Variants in KCNJ6 observed in about 807,000 individuals in gnomAD.
The protein encoded by KCNJ6 is potassium inwardly rectifying channel subfamily J member 6, also known as G protein-activated inward rectifier potassium channel 2.
In KCNJ6, 9 loss-of-function variants were observed where a neutral mutation model predicts 34.2. The observed-to-expected ratio is 0.26, with a 90% confidence interval of 0.16 to 0.46. The LOEUF is 0.46. Among genes scored for constraint, KCNJ6 ranks in the 20% least tolerant of loss-of-function variants. The pLI is 1.00. For synonymous variants in KCNJ6, 196 were observed against 207.1 expected, an observed-to-expected ratio of 0.95 and a Z score of 0.46; for missense variants, 236 against 531.3, an observed-to-expected ratio of 0.44 and a Z score of 5.46.
intron 3 of KCNJ6, among the ~76,000 whole-genome samples, chr21:37,649,572 C>A (rs76204948): frequency 1.3e-5 from 2 of 152,232 alleles, no homozygotes; most frequent in Admixed American, 1.3e-4. Context: ...GCGGCACCAC[C>A]GCGATGTAGC....
intron 2 of KCNJ6, among the ~76,000 whole-genome samples, chr21:37,726,616 G>A (rs1446688647): frequency 2.0e-5 from 3 of 152,208 alleles, no homozygotes; most frequent in Non-Finnish European, 4.4e-5. Context: ...GTATGTGTGT[G>A]TGTAAAGAAT....
intron 3 of KCNJ6, among the ~76,000 whole-genome samples, chr21:37,709,385 A>C (rs926349356): frequency 1.3e-5 from 2 of 152,114 alleles, no homozygotes; most frequent in Non-Finnish European, 2.9e-5. Context: ...GTGGTGGTGC[A>C]TGCCTGTAAT....
At chr21:37,833,414 T>G (rs1038020072) in intron 2 of KCNJ6, among the ~76,000 whole-genome samples, 2 of 152,146 alleles carry the variant, frequency 1.3e-5, no homozygotes, top group Non-Finnish European at 2.9e-5. Context: ...CCCTTCATCT[T>G]GGAAGTTAGG....
chr21:37,853,846 G>GTGTATATATATATATATA lies in KCNJ6; in HGVS notation c.-27-13138_-27-13137insTATATATATATATATACA, dbSNP rs71198897. Among the ~76,000 whole-genome samples the GTGTATATATATATATATA allele has an allele frequency of 7.2e-4, 84 of 115,950 alleles. 4 individuals are homozygous for GTGTATATATATATATATA. The highest frequency in any genetic ancestry group is 4.9e-3 in the South Asian group (19 of 3,880). 76.1% of individuals were successfully genotyped at this position (115,950 alleles called of 152,430 possible). A position where few individuals can be genotyped will look rare whatever the true frequency, so the allele number is the denominator to read the frequency against. On this transcript the variant is annotated intron_variant, in intron 1 of 3. Coordinates refer to ENST00000609713, the MANE Select transcript of KCNJ6 (RefSeq NM_002240.5). ...GTAGTTAAGAGATACATATATATAT[G>GTGTATATATATATATATA]TATATATATATATATAAATTACATT...
At chr21:37,663,837 A>G (rs1160840053) in intron 3 of KCNJ6, among the ~76,000 whole-genome samples, 1 of 152,234 alleles carries the variant, frequency 6.6e-6, no homozygotes, top group African/African-American at 2.4e-5. Flanking sequence ...GTAAGAATAT[A>G]CGCATACCTA....
intron 3 of KCNJ6, among the ~76,000 whole-genome samples, chr21:37,652,796 CT>C (rs1332771137): frequency 1.3e-5 from 2 of 152,184 alleles, no homozygotes; most frequent in Non-Finnish European, 2.9e-5. Flanking sequence ...GGCATTTTCT[CT>C]TTTGCAATGG....
At chr21:37,771,930 C>G (rs145745993) in intron 2 of KCNJ6, among the ~76,000 whole-genome samples, 18 of 152,222 alleles carry the variant, frequency 1.2e-4, no homozygotes, top group Non-Finnish European at 2.4e-4. Context: ...AAAAAACGAA[C>G]AGAATATGCA....
chr21:37,641,691 G>T (rs932382606), intron 3 of KCNJ6, among the ~76,000 whole-genome samples: 31 of 101,058 alleles, frequency 3.1e-4, no homozygotes, highest in African/African-American at 1.2e-3. Flanking sequence ...GAAAGTAGAC[G>T]AGTGTGTTTG....
chr21:37,634,761 A>ATT (rs66535658), intron 3 of KCNJ6, among the ~76,000 whole-genome samples: 1 of 143,114 alleles, frequency 7.0e-6, no homozygotes, highest in African/African-American at 2.6e-5. Context: ...CATACAAATC[A>ATT]TTTTTTTTTT....
chr21:37,840,207 C>A (rs935432567), intron 2 of KCNJ6, among the ~76,000 whole-genome samples: 6 of 152,186 alleles, frequency 3.9e-5, no homozygotes, highest in Admixed American at 6.5e-5. Flanking sequence ...TGCAAGCACT[C>A]CATTTTTTAA....
At chr21:37,808,496 G>A (rs2835975) in intron 2 of KCNJ6, among the ~76,000 whole-genome samples, 67,824 of 152,042 alleles carry the variant, frequency 0.45, 16,480 homozygotes, top group Middle Eastern at 0.53. Context: ...CACTTGATGA[G>A]GTTATGCCTG....
Position 37,885,277 on chromosome 21 carries a change from G to A in KCNJ6, c.-28+30607C>T, listed in dbSNP as rs74592268. Reference sequence around the variant, plus strand: ...GGAGCAGAGGAAAGGGTCTGACACAGCCACCTTTGTCAGTATTGCCCCAAA... The same window carrying A: ...GGAGCAGAGGAAAGGGTCTGACACAACCACCTTTGTCAGTATTGCCCCAAA... On this transcript the variant is annotated intron_variant, in intron 1 of 3. Transcript: ENST00000609713. Among the ~76,000 whole-genome samples the A allele has an allele frequency of 9.7e-4, 147 of 152,278 alleles. 3 individuals are homozygous for A. In the East Asian group the frequency reaches 0.022, roughly 23 times the overall value.
At chr21:37,736,775 A>G (rs1056360811) in intron 2 of KCNJ6, among the ~76,000 whole-genome samples, 1 of 152,198 alleles carries the variant, frequency 6.6e-6, no homozygotes, top group East Asian at 1.9e-4. Context: ...AGCGCTGACA[A>G]CCATGCTTGA....
At chr21:37,754,382 A>G (rs1392194178) in intron 2 of KCNJ6, among the ~76,000 whole-genome samples, 1 of 152,212 alleles carries the variant, frequency 6.6e-6, no homozygotes, top group African/African-American at 2.4e-5. Flanking sequence ...GGGTTTTTCT[A>G]GCTCCATAGT....
At chr21:37,881,529 T>C (rs1568883398) in intron 1 of KCNJ6, among the ~76,000 whole-genome samples, 1 of 151,970 alleles carries the variant, frequency 6.6e-6, no homozygotes. Flanking sequence ...GTTGTTGTTG[T>C]TATTGTTGTT....
intron 2 of KCNJ6, among the ~76,000 whole-genome samples, chr21:37,838,691 A>G (rs986563195): frequency 2.0e-5 from 3 of 152,250 alleles, no homozygotes; most frequent in Non-Finnish European, 4.4e-5. Context: ...CACTGGCCAC[A>G]TTCTTTCATT....
At chr21:37,716,426 C>T (rs1426510361) in intron 2 of KCNJ6, among the ~76,000 whole-genome samples, 1 of 148,938 alleles carries the variant, frequency 6.7e-6, no homozygotes, top group African/African-American at 2.5e-5. Context: ...GCCACCCAGG[C>T]TAGAGTATAG....
chr21:37,835,823 ACCCT>A (rs2055448908), intron 2 of KCNJ6, among the ~76,000 whole-genome samples: 1 of 152,028 alleles, frequency 6.6e-6, no homozygotes, highest in African/African-American at 2.4e-5. Context: ...CCTAACCCTA[ACCCT>A]AACCCTAACC....
chr21:37,656,853 A>G (rs1283484326), intron 3 of KCNJ6, among the ~76,000 whole-genome samples: 4 of 152,134 alleles, frequency 2.6e-5, no homozygotes, highest in Non-Finnish European at 5.9e-5. Context: ...GGAAGAGACT[A>G]TAATGAGAGG....
Sources: gnomAD v4.1 joint callset for allele counts (sites outside exome capture counted in the v4.1 genomes callset) on GRCh38, gnomAD v4.1.1 for gene constraint, MANE v1.5 for transcripts, NCBI Gene and HGNC (gene_info 2026-07-23, HGNC 2026-07-21) for gene names.